Variants in RBM38 observed in about 807,000 individuals in gnomAD.
The protein encoded by RBM38 is RNA-binding protein 38.
A neutral mutation model predicts 23.5 loss-of-function variants in RBM38; 11 were observed. The observed-to-expected ratio is 0.47, with a 90% CI of 0.29 to 0.77. The LOEUF is 0.77. Ranked by LOEUF, RBM38 falls within the 30% of genes least tolerant of loss-of-function variation. The probability of loss-of-function intolerance (pLI) is 0.08; values close to 1 mark genes in which losing one functional copy is unlikely to be tolerated. For missense variants in RBM38, 330 were observed against 351.9 expected, an observed-to-expected ratio of 0.94 and a Z score of 0.50; for synonymous variants, 165 against 166.1, an observed-to-expected ratio of 0.99 and a Z score of 0.05.
intron 1 of RBM38, among the ~76,000 whole-genome samples, chr20:57,392,049 G>GT (rs1379211001): frequency 2.0e-4 from 5 of 25,206 alleles, no homozygotes; most frequent in Non-Finnish European, 4.1e-4. Context: ...CCCACCCCCG[G>GT]TTTAAAAGGA....
intron 3 of RBM38, among the ~76,000 whole-genome samples, chr20:57,397,719 C>G (rs2067289002): frequency 6.6e-6 from 1 of 152,224 alleles, no homozygotes; most frequent in Non-Finnish European, 1.5e-5. Context: ...GACAGCTACT[C>G]CCAGCATCAT....
intron 3 of RBM38, among the ~76,000 whole-genome samples, chr20:57,398,271 TGTGTACGC>T (rs1222165585): frequency 2.0e-5 from 3 of 150,814 alleles, no homozygotes; most frequent in African/African-American, 7.5e-5. Context: ...TGTGTGTGTG[TGTGTACGC>T]ACGCACACGT....
At chr20:57,404,130 G>C (rs567995819) in intron 3 of RBM38, among the ~76,000 whole-genome samples, 9 of 152,366 alleles carry the variant, frequency 5.9e-5, no homozygotes, top group Admixed American at 5.9e-4. Context: ...TGGCCCCGAT[G>C]ATGTGGGGCA....
intron 3 of RBM38, among the ~76,000 whole-genome samples, chr20:57,394,663 C>A (rs529628424): frequency 2.0e-5 from 3 of 152,118 alleles, no homozygotes. Context: ...TGTCTAGAGT[C>A]GTCTTAGAGG....
chr20:57,398,399 G>A (rs6099604), intron 3 of RBM38, among the ~76,000 whole-genome samples: 3,324 of 152,250 alleles, frequency 0.022, 101 homozygotes, highest in African/African-American at 0.071. Flanking sequence ...GCTGCAGGTC[G>A]CCGTGGCGGG....
chr20:57,392,640 C>T lies in RBM38; in HGVS notation c.238-14C>T, dbSNP rs1322089361. The T allele has an allele frequency of 6.2e-7, 1 of 1,608,538 alleles. No homozygotes were observed. Among genetic ancestry groups the T allele is most frequent in the Non-Finnish European group, 8.5e-7 (1 of 1,178,088 alleles). On this transcript the variant is annotated splice_polypyrimidine_tract_variant and intron_variant, in intron 1 of 3. Transcript: ENST00000356208. ...CCCCCCACGGCAGCCCCTGATGTGTCTCTGCTCCACCAGGTGACCATGGCC... is the reference window on the plus strand; with the variant it reads ...CCCCCCACGGCAGCCCCTGATGTGTTTCTGCTCCACCAGGTGACCATGGCC...
intron 3 of RBM38, among the ~76,000 whole-genome samples, chr20:57,406,731 C>T (rs7271188): frequency 0.041 from 6,244 of 152,182 alleles, 420 homozygotes; most frequent in African/African-American, 0.14. Context: ...CGGTGGCTCA[C>T]GCCTGTAATC....
At chr20:57,392,194 C>T (rs2067226490) in intron 1 of RBM38, 6 of 329,554 alleles carry the variant, frequency 1.8e-5, no homozygotes, top group South Asian at 1.2e-4. Context: ...TCTTCGGCCT[C>T]CCCCATATTT....
intron 3 of RBM38, among the ~76,000 whole-genome samples, chr20:57,406,524 C>G (rs550150907): frequency 3.9e-5 from 6 of 152,172 alleles, no homozygotes; most frequent in Non-Finnish European, 8.8e-5. Flanking sequence ...GGGTGACGCA[C>G]CCAGTCACAG....
At chr20:57,398,406 C>T (rs549391662) in intron 3 of RBM38, among the ~76,000 whole-genome samples, 11 of 152,248 alleles carry the variant, frequency 7.2e-5, no homozygotes, top group South Asian at 4.1e-4. Flanking sequence ...GTCGCCGTGG[C>T]GGGCACAGGG....
At chr20:57,405,785 C>A (rs770139306) in intron 3 of RBM38, among the ~76,000 whole-genome samples, 1 of 149,286 alleles carries the variant, frequency 6.7e-6, no homozygotes, top group African/African-American at 2.5e-5. Context: ...CCTCTCTGAC[C>A]CTGAGGGTCC....
At chr20:57,395,123 C>T (rs2067261285) in intron 3 of RBM38, among the ~76,000 whole-genome samples, 1 of 152,208 alleles carries the variant, frequency 6.6e-6, no homozygotes, top group African/African-American at 2.4e-5. Context: ...CTCAGAAGTC[C>T]TCTCCTGTCC....
chr20:57,406,910 C>T (rs1347416677), intron 3 of RBM38, among the ~76,000 whole-genome samples: 1 of 150,638 alleles, frequency 6.6e-6, no homozygotes, highest in African/African-American at 2.5e-5. Flanking sequence ...AGGAGAATGG[C>T]GTGAACCCGG....
chr20:57,398,247 GGC>G (rs2067293996), intron 3 of RBM38, among the ~76,000 whole-genome samples: 1 of 130,284 alleles, frequency 7.7e-6, no homozygotes. Context: ...TGCAGGTGAT[GGC>G]GTGTGTGTGT....
At chr20:57,391,986 T>TCCCGCCCCCACCCCCCCAGGCCCCGGCC (rs1568804156) in intron 1 of RBM38, among the ~76,000 whole-genome samples, 168 bp downstream of exon 1, 3 of 80,440 alleles carry the variant, frequency 3.7e-5, no homozygotes, top group Admixed American at 1.2e-4. Flanking sequence ...CTCCTGCCGG[T>TCCCGCCCCCACCCCCCCAGGCCCCGGCC]CCCGCCCCCA....
chr20:57,392,278 C>A, intron 1 of RBM38: 1 of 515,088 alleles, frequency 1.9e-6, no homozygotes, highest in South Asian at 1.8e-5. Flanking sequence ...TTCCTGCTTA[C>A]CTTCCAAGCA....
chr20:57,401,182 T>C (rs1286527602), intron 3 of RBM38, among the ~76,000 whole-genome samples: 2 of 152,172 alleles, frequency 1.3e-5, no homozygotes, highest in African/African-American at 2.4e-5. Context: ...CCTCCCAGCA[T>C]TCCTCAGGCC....
chr20:57,391,512 C>T lies in RBM38; in HGVS notation c.-70C>T, dbSNP rs2067213723. 1.0e-5 allele frequency: 4 copies of T among 389,022 alleles called. No homozygotes were observed. The South Asian group carries it at 3.1e-4, about 30-fold the overall frequency. 24.1% of individuals were successfully genotyped at this position (389,022 alleles called of 1,614,324 possible). The stretch of plus-strand genomic sequence containing the variant: ...TGGACGGGCGCCCCTCGCTGCCCCG[C>T]GCGCTCCCCGCCGCCCCCCATGAGC... On this transcript the variant is annotated 5_prime_UTR_variant, in exon 1 of 4. Coordinates refer to ENST00000356208, the MANE Select transcript of RBM38 (RefSeq NM_017495.6).
intron 2 of RBM38, 75 bp downstream of exon 2, chr20:57,392,852 G>A: frequency 6.4e-7 from 1 of 1,560,400 alleles, no homozygotes. Context: ...GGTGGAAAGA[G>A]GCCCCCCCTC....
Sources: gnomAD v4.1 joint callset for allele counts (sites outside exome capture counted in the v4.1 genomes callset) on GRCh38, gnomAD v4.1.1 for gene constraint, MANE v1.5 for transcripts, NCBI Gene and HGNC (gene_info 2026-07-23, HGNC 2026-07-21) for gene names.